Variants in RGS6 observed in about 807,000 individuals in gnomAD.
RGS6 encodes the protein regulator of G protein signaling 6, also known as regulator of G-protein signaling 6.
RGS6 carries 30 observed loss-of-function variants against 78.5 expected under a neutral mutation model. The ratio of observed to expected loss-of-function variants is 0.38; its 90% CI spans 0.29 to 0.52. RGS6 has a LOEUF of 0.52. Ranked by LOEUF, RGS6 falls within the 20% of genes least tolerant of loss-of-function variation. The pLI, the probability that RGS6 is intolerant of heterozygous loss-of-function variation, is 0.85. For synonymous variants in RGS6, 206 were observed against 206.0 expected (o/e 1.00, Z 0.00); for missense variants, 495 against 609.7 (o/e 0.81, Z 1.98).
chr14:72,053,340 G>A (rs1415229371), intron 2 of RGS6, among the ~76,000 whole-genome samples: 4 of 151,456 alleles, frequency 2.6e-5, no homozygotes, highest in African/African-American at 9.7e-5. Context: ...GGCTGGTCTC[G>A]ATCTCTTGAC....
chr14:71,892,827 T>C, the RGS6 span, among the ~76,000 whole-genome samples: 355 of 152,390 alleles, frequency 2.3e-3, no homozygotes, highest in African/African-American at 8.2e-3. Context: ...TAAAGTACAA[T>C]GGCATTTTAC....
At chr14:72,304,209 T>G (rs1055773444) in intron 2 of RGS6, among the ~76,000 whole-genome samples, 1 of 152,240 alleles carries the variant, frequency 6.6e-6, no homozygotes, top group Non-Finnish European at 1.5e-5. Flanking sequence ...GCTGCAAGTG[T>G]ATGTGACTAG....
At chr14:71,996,392 T>TG (rs1302679173) in intron 2 of RGS6, among the ~76,000 whole-genome samples, 1 of 151,820 alleles carries the variant, frequency 6.6e-6, no homozygotes, top group Non-Finnish European at 1.5e-5. Flanking sequence ...ATAAATAAAG[T>TG]GGTAGGTAAG....
the RGS6 span, among the ~76,000 whole-genome samples, chr14:72,577,049 C>T: frequency 2.0e-5 from 3 of 152,302 alleles, no homozygotes; most frequent in South Asian, 4.2e-4. Flanking sequence ...CCTGAAGCTG[C>T]ACCCCATTTT....
chr14:72,071,458 C>A (rs1345192493), intron 2 of RGS6, among the ~76,000 whole-genome samples: 2 of 152,238 alleles, frequency 1.3e-5, no homozygotes, highest in East Asian at 3.9e-4. Context: ...TGTGTTGTAC[C>A]TTACTAGGTA....
chr14:72,561,779 A>G (rs1203307532), intron 17 of RGS6, among the ~76,000 whole-genome samples: 1 of 152,226 alleles, frequency 6.6e-6, no homozygotes, highest in Non-Finnish European at 1.5e-5. Context: ...GGTGCCACAG[A>G]TGGGAAGCCA....
intron 2 of RGS6, among the ~76,000 whole-genome samples, chr14:72,154,593 A>G (rs1178985007): frequency 6.6e-6 from 1 of 152,188 alleles, no homozygotes; most frequent in East Asian, 1.9e-4. Context: ...ATCTCCCTGC[A>G]TGGTGCTAAC....
rs200594126 is a variant in RGS6 at position 72,509,208 on chromosome 14, C to CAA, written c.966-940_966-939dup. Among the ~76,000 whole-genome samples the CAA allele has an allele frequency of 5.0e-4, 76 of 151,634 alleles. No individual in the cohort carries two copies. The South Asian group carries it at 0.015, about 31-fold the overall frequency. On this transcript the variant is annotated intron_variant, in intron 13 of 17. Transcript: ENST00000553525. ...TGAAACCCTGTCTCTACTAAAAATA[C>CAA]AAAAAAATTAGCCAGACGTGGTGGT... is the stretch of plus-strand genomic sequence containing the variant.
At chr14:72,131,840 TA>T (rs1169038288) in intron 2 of RGS6, among the ~76,000 whole-genome samples, 1 of 152,256 alleles carries the variant, frequency 6.6e-6, no homozygotes, top group Non-Finnish European at 1.5e-5. Flanking sequence ...AGATTTGAGA[TA>T]ATCTATTAAT....
chr14:72,223,975 C>T (rs1213718648), intron 2 of RGS6, among the ~76,000 whole-genome samples: 1 of 152,216 alleles, frequency 6.6e-6, no homozygotes, highest in Non-Finnish European at 1.5e-5. Context: ...AGCAGAGACA[C>T]AGAAACAAAT....
At chr14:71,884,837 A>T in the RGS6 span, among the ~76,000 whole-genome samples, 1 of 152,218 alleles carries the variant, frequency 6.6e-6, no homozygotes, top group South Asian at 2.1e-4. Context: ...ACTAGGCACT[A>T]GGATGCAGTA....
chr14:72,271,711 T>C (rs1227827186), intron 2 of RGS6, among the ~76,000 whole-genome samples: 3 of 152,238 alleles, frequency 2.0e-5, no homozygotes, highest in Non-Finnish European at 4.4e-5. Flanking sequence ...CATGTAAATA[T>C]ATTATCCCAC....
intron 2 of RGS6, among the ~76,000 whole-genome samples, chr14:72,083,892 A>G (rs2094923663): frequency 6.6e-6 from 1 of 152,170 alleles, no homozygotes; most frequent in Admixed American, 6.5e-5. Context: ...GTAGTCTGGA[A>G]TACAGGTAGG....
chr14:72,048,444 G>C (rs1301317521), intron 2 of RGS6, among the ~76,000 whole-genome samples: 2 of 152,084 alleles, frequency 1.3e-5, no homozygotes, highest in African/African-American at 2.4e-5. Flanking sequence ...ACTGCTTTCT[G>C]TCTCCCTTTG....
the RGS6 span, among the ~76,000 whole-genome samples, chr14:72,596,115 A>G: frequency 6.6e-6 from 1 of 152,210 alleles, no homozygotes; most frequent in Non-Finnish European, 1.5e-5. Context: ...CAAATTTATT[A>G]TCTTTCGGTT....
intron 2 of RGS6, among the ~76,000 whole-genome samples, chr14:72,149,840 C>G (rs1197642070): frequency 1.3e-5 from 2 of 152,132 alleles, no homozygotes; most frequent in Non-Finnish European, 2.9e-5. Context: ...GTACCTTATG[C>G]CAGTCAAAAA....
At chr14:72,077,138 ATGAAAGT>A (rs909697169) in intron 2 of RGS6, among the ~76,000 whole-genome samples, 5 of 151,868 alleles carry the variant, frequency 3.3e-5, no homozygotes, top group African/African-American at 4.8e-5. Flanking sequence ...CAAACTTTGT[ATGAAAGT>A]TGTATGTATT....
chr14:72,358,159 G>C (rs1327063300), intron 3 of RGS6, among the ~76,000 whole-genome samples: 1 of 152,182 alleles, frequency 6.6e-6, no homozygotes, highest in African/African-American at 2.4e-5. Flanking sequence ...GATTTCAAAG[G>C]ATATATAGAA....
At chr14:72,151,242 A>G (rs2096681899) in intron 2 of RGS6, among the ~76,000 whole-genome samples, 1 of 152,218 alleles carries the variant, frequency 6.6e-6, no homozygotes, top group Non-Finnish European at 1.5e-5. Context: ...AATAGAGAAG[A>G]AATCAAGCCT....
Sources: allele counts gnomAD v4.1 joint callset (sites outside exome capture counted in the v4.1 genomes callset), GRCh38; gene constraint gnomAD v4.1.1; transcripts MANE v1.5; gene names NCBI Gene and HGNC (gene_info 2026-07-23, HGNC 2026-07-21).